Variants in DAB1 observed in about 807,000 individuals in gnomAD.
DAB1 encodes DAB adaptor protein 1.
A neutral mutation model predicts 64.6 loss-of-function variants in DAB1; 15 were observed. That is an observed-to-expected ratio of 0.23 (90% CI 0.16 to 0.36). The LOEUF is 0.36. Ranked by LOEUF, DAB1 falls within the 10% of genes least tolerant of loss-of-function variation. The pLI is 1.00. For synonymous variants in DAB1, 235 were observed against 251.9 expected (o/e 0.93, Z 0.64); for missense variants, 596 against 706.7 (o/e 0.84, Z 1.78).
At position 57,855,839 on chromosome 1, in the gene DAB1, T is replaced by G. The variant is rs190213197; in HGVS notation, n.87+28160A>C. Among the ~76,000 whole-genome samples, 14 of 152,198 alleles carry G rather than the reference T, an allele frequency of 9.2e-5. No individual in the cohort carries two copies. In the East Asian group the frequency reaches 2.7e-3, roughly 29 times the overall value. ...TCTGAGTTAATTTGAAATTATTACTTTGACTGCTCTGGAGAGAACCAACTG... is the reference window on the plus strand; with the variant it reads ...TCTGAGTTAATTTGAAATTATTACTGTGACTGCTCTGGAGAGAACCAACTG... On this transcript the variant is annotated intron_variant and non_coding_transcript_variant, in intron 1 of 1. Coordinates refer to the DAB1 transcript ENST00000477280.
chr1:57,151,742 A>G (rs1659687469), intron 2 of DAB1, among the ~76,000 whole-genome samples: 1 of 152,054 alleles, frequency 6.6e-6, no homozygotes, highest in African/African-American at 2.4e-5. Flanking sequence ...ATATATTTCA[A>G]AGATACTTTC....
rs1660482921 is a variant in DAB1 at position 58,245,373 on chromosome 1, T to C, written n.310-94785A>G. ...CCATTTCTTCCTGGCTCTAGGAACT[T>C]GGCCAGGTCACATTAGCTTATCACG... On this transcript the variant is annotated intron_variant and non_coding_transcript_variant, in intron 4 of 20. Coordinates refer to the DAB1 transcript ENST00000485760. Among the ~76,000 whole-genome samples, 4 of 152,292 alleles carry C rather than the reference T, an allele frequency of 2.6e-5. No individual in the cohort carries two copies. The South Asian group carries it at 8.3e-4, about 32-fold the overall frequency.
chr1:57,185,989 G>C lies in DAB1; in HGVS notation c.68-40560C>G, dbSNP rs561515500. On this transcript the variant is annotated intron_variant, in intron 2 of 14. Transcript: ENST00000371236. ...CACAGCTCACAGCCACGAAATCACT[G>C]TCCATTAACTGTTTGGTTTCCTGAG... Among the ~76,000 whole-genome samples the C allele has an allele frequency of 3.3e-5, 5 of 152,184 alleles. No homozygotes were observed. The South Asian group carries it at 8.3e-4, about 25-fold the overall frequency.
chr1:57,064,020 G>T (rs145457102), intron 8 of DAB1, among the ~76,000 whole-genome samples: 46 of 152,312 alleles, frequency 3.0e-4, no homozygotes, highest in African/African-American at 1.0e-3. Context: ...CAGGCATAGT[G>T]CCTAACACCC....
Position 57,874,651 on chromosome 1 carries a change from G to C in DAB1, n.87+9348C>G, listed in dbSNP as rs143146681. 9.9e-5 allele frequency among the ~76,000 whole-genome samples: 15 copies of C among 152,184 alleles called. No individual in the cohort carries two copies. The East Asian group carries it at 2.9e-3, about 30-fold the overall frequency. On this transcript the variant is annotated intron_variant and non_coding_transcript_variant, in intron 1 of 1. Transcript: ENST00000477280. Reference sequence around the variant, plus strand: ...ACTGCAGCCATTGAGTCAAGTTCAGGGGAGCATGACAAGATTTCTAACCTG... The same window carrying C: ...ACTGCAGCCATTGAGTCAAGTTCAGCGGAGCATGACAAGATTTCTAACCTG...
At chr1:57,873,598 A>T (rs924641441) in intron 1 of DAB1, among the ~76,000 whole-genome samples, 1 of 152,206 alleles carries the variant, frequency 6.6e-6, no homozygotes, top group African/African-American at 2.4e-5. Context: ...GACCACATGT[A>T]CAGAAAACAA....
intron 4 of DAB1, among the ~76,000 whole-genome samples, chr1:58,295,421 G>A (rs1399224832): frequency 1.3e-5 from 2 of 152,054 alleles, no homozygotes; most frequent in Non-Finnish European, 2.9e-5. Context: ...GAGGTGGCAG[G>A]GGAAAGCATT....
chr1:58,055,619 T>G (rs1648006224), intron 5 of DAB1, among the ~76,000 whole-genome samples: 1 of 152,238 alleles, frequency 6.6e-6, no homozygotes, highest in African/African-American at 2.4e-5. Flanking sequence ...TGACCAGTGA[T>G]GGACATATGC....
At chr1:58,445,013 A>G (rs1330908076) in intron 3 of DAB1, among the ~76,000 whole-genome samples, 1 of 152,202 alleles carries the variant, frequency 6.6e-6, no homozygotes, top group Non-Finnish European at 1.5e-5. Flanking sequence ...CAGCTCCACT[A>G]CTTGCTAATT....
chr1:58,133,950 C>T (rs1338016015), intron 5 of DAB1, among the ~76,000 whole-genome samples: 1 of 152,176 alleles, frequency 6.6e-6, no homozygotes, highest in Non-Finnish European at 1.5e-5. Context: ...CCAAGGCACA[C>T]AGGACCTGTA....
At chr1:58,066,971 CT>C (rs1648893782) in intron 5 of DAB1, among the ~76,000 whole-genome samples, 1 of 152,232 alleles carries the variant, frequency 6.6e-6, no homozygotes, top group Non-Finnish European at 1.5e-5. Flanking sequence ...CCTCGCCATT[CT>C]CCTTGTATCC....
chr1:57,619,558 C>T (rs1298082767), intron 7 of DAB1, among the ~76,000 whole-genome samples: 1 of 152,042 alleles, frequency 6.6e-6, no homozygotes, highest in Non-Finnish European at 1.5e-5. Context: ...TGCTACCAGG[C>T]CTGGCTAATT....
chr1:57,521,040 C>T (rs759617610), intron 7 of DAB1, among the ~76,000 whole-genome samples: 2 of 152,120 alleles, frequency 1.3e-5, no homozygotes, highest in Non-Finnish European at 2.9e-5. Context: ...ACTATAGGGA[C>T]ACCCAGAGAC....
intron 4 of DAB1, among the ~76,000 whole-genome samples, chr1:58,180,508 TG>T (rs1186674092): frequency 6.6e-6 from 1 of 151,964 alleles, no homozygotes; most frequent in Non-Finnish European, 1.5e-5. Context: ...TTGCCCAGGC[TG>T]GTCTCAAACT....
At chr1:57,626,347 G>C (rs796844551) in intron 7 of DAB1, among the ~76,000 whole-genome samples, 2 of 152,290 alleles carry the variant, frequency 1.3e-5, no homozygotes, top group African/African-American at 2.4e-5. Context: ...AGCTATGGTG[G>C]CCTAAATCTA....
At chr1:57,972,338 G>A (rs1645817970) in intron 5 of DAB1, among the ~76,000 whole-genome samples, 1 of 152,154 alleles carries the variant, frequency 6.6e-6, no homozygotes, top group Non-Finnish European at 1.5e-5. Flanking sequence ...CTTGGCTCAA[G>A]GGATCCTTCT....
At chr1:58,022,094 T>C (rs943760969) in intron 5 of DAB1, among the ~76,000 whole-genome samples, 2 of 152,142 alleles carry the variant, frequency 1.3e-5, no homozygotes, top group Non-Finnish European at 2.9e-5. Flanking sequence ...GCAGACCCCT[T>C]AATAAAACCC....
chr1:58,318,933 G>A (rs1662619319), intron 4 of DAB1, among the ~76,000 whole-genome samples: 1 of 152,132 alleles, frequency 6.6e-6, no homozygotes, highest in Non-Finnish European at 1.5e-5. Flanking sequence ...GTTCTAGAAG[G>A]ACAACTATCC....
intron 3 of DAB1, among the ~76,000 whole-genome samples, chr1:58,366,145 A>G (rs1450557814): frequency 6.6e-6 from 1 of 152,162 alleles, no homozygotes; most frequent in Non-Finnish European, 1.5e-5. Context: ...CTAGCTGGGC[A>G]CCTTCCATCC....
Sources: gnomAD v4.1 joint callset for allele counts (sites outside exome capture counted in the v4.1 genomes callset) on GRCh38, gnomAD v4.1.1 for gene constraint, MANE v1.5 for transcripts, NCBI Gene and HGNC (gene_info 2026-07-23, HGNC 2026-07-21) for gene names.